MAP4: variants seen among roughly 807,000 people sequenced by gnomAD.
MAP4 encodes microtubule associated protein 4, also known as microtubule-associated protein 4.
MAP4 carries 76 observed loss-of-function variants against 170.2 expected under a neutral mutation model. That is an observed-to-expected ratio of 0.45 (90% CI 0.37 to 0.54). MAP4 has a LOEUF of 0.54. MAP4 is among the 20% of genes least tolerant of loss of function. The probability of loss-of-function intolerance (pLI) is 0.00; values close to 1 mark genes in which losing one functional copy is unlikely to be tolerated. For synonymous variants in MAP4, 909 were observed against 994.5 expected (o/e 0.91, Z 1.62); for missense variants, 2,506 against 2,748.0 (o/e 0.91, Z 1.97).
chr3:47,965,697 C>A (rs1006975861), intron 3 of MAP4, among the ~76,000 whole-genome samples: 5 of 151,978 alleles, frequency 3.3e-5, no homozygotes, highest in Admixed American at 1.3e-4. Flanking sequence ...ATTTTTGTAT[C>A]TTTTATGAAG....
At chr3:47,948,477 G>C (rs1475261476) in intron 3 of MAP4, among the ~76,000 whole-genome samples, 1 of 151,628 alleles carries the variant, frequency 6.6e-6, no homozygotes, top group Non-Finnish European at 1.5e-5. Flanking sequence ...TTCTGCCTCA[G>C]CCTCCCAAAG....
At chr3:47,880,473 T>TC in intron 10 of MAP4, among the ~76,000 whole-genome samples, 1 of 146,188 alleles carries the variant, frequency 6.8e-6, no homozygotes, top group East Asian at 2.0e-4. Context: ...CAGTTTTTTT[T>TC]TTTTTTTTTT....
At chr3:47,991,232 G>A (rs2100091986) in intron 2 of MAP4, among the ~76,000 whole-genome samples, 1 of 152,228 alleles carries the variant, frequency 6.6e-6, no homozygotes, top group Non-Finnish European at 1.5e-5. Context: ...GGGTGGACAT[G>A]TAAGAATTAA....
rs1397749746 is a variant in MAP4, at chr3:48,015,567, T to A, written c.-20+767A>T. Among the ~76,000 whole-genome samples the A allele has an allele frequency of 3.3e-5, 5 of 151,876 alleles. No homozygotes were observed. The East Asian group carries it at 9.7e-4, about 29-fold the overall frequency. On this transcript the variant is annotated intron_variant, in intron 1 of 20. Coordinates refer to ENST00000683076, the MANE Select transcript of MAP4 (RefSeq NM_001385682.1). ...AATAATTTAATATTCAACATCAGAT[T>A]TTTTTTTAGTATGCCTAGCAGGTTT...
chr3:48,073,627 G>GA (rs1239565733), intron 1 of MAP4, among the ~76,000 whole-genome samples: 5 of 148,224 alleles, frequency 3.4e-5, no homozygotes, highest in Middle Eastern at 3.5e-3. Flanking sequence ...AAAAAAAGAA[G>GA]AAAAAAAAAG....
At chr3:47,925,897 C>T (rs527277186) in intron 4 of MAP4, among the ~76,000 whole-genome samples, 3 of 152,314 alleles carry the variant, frequency 2.0e-5, no homozygotes, top group East Asian at 3.9e-4. Context: ...GCTCGTTGCC[C>T]AAGCTGGAGT....
intron 1 of MAP4, among the ~76,000 whole-genome samples, chr3:48,022,811 A>C (rs887993083): frequency 9.9e-5 from 15 of 152,198 alleles, no homozygotes; most frequent in African/African-American, 3.4e-4. Context: ...GAATCACTTG[A>C]ACCCGGGAGG....
chr3:47,901,719 C>G (rs1362922551), intron 10 of MAP4, among the ~76,000 whole-genome samples: 1 of 151,448 alleles, frequency 6.6e-6, no homozygotes, highest in Non-Finnish European at 1.5e-5. Context: ...ACCTCCATAT[C>G]TTAAAGAAAT....
chr3:48,053,028 C>T (rs142809723), intron 1 of MAP4, among the ~76,000 whole-genome samples: 3 of 152,266 alleles, frequency 2.0e-5, no homozygotes, highest in African/African-American at 7.2e-5. Flanking sequence ...GAAACTAAAA[C>T]AACTCCAAAT....
intron 1 of MAP4, among the ~76,000 whole-genome samples, chr3:48,065,749 T>C (rs537825150): frequency 6.6e-5 from 10 of 152,314 alleles, no homozygotes; most frequent in Admixed American, 6.5e-4. Context: ...AAACTAGTGA[T>C]GCCACAGAGT....
At chr3:48,080,516 T>G (rs1163023967) in intron 1 of MAP4, among the ~76,000 whole-genome samples, 1 of 152,228 alleles carries the variant, frequency 6.6e-6, no homozygotes, top group Non-Finnish European at 1.5e-5. Context: ...ATAATGAGAC[T>G]GCTTTCCTTA....
At chr3:47,962,459 C>T (rs1373597392) in intron 3 of MAP4, among the ~76,000 whole-genome samples, 3 of 152,122 alleles carry the variant, frequency 2.0e-5, no homozygotes, top group African/African-American at 7.2e-5. Flanking sequence ...GGGGGAGGGG[C>T]GCATACTTTT....
intron 10 of MAP4, among the ~76,000 whole-genome samples, chr3:47,884,231 A>T (rs887935646): frequency 6.6e-6 from 1 of 152,164 alleles, no homozygotes; most frequent in Non-Finnish European, 1.5e-5. Context: ...ATCTGTCCTC[A>T]ACGTCACTGA....
At chr3:47,985,400 C>T (rs144063923) in intron 2 of MAP4, among the ~76,000 whole-genome samples, 5 of 152,198 alleles carry the variant, frequency 3.3e-5, no homozygotes, top group Admixed American at 6.5e-5. Flanking sequence ...GATTGTGCCA[C>T]TGCACTCCAG....
At chr3:48,051,532 T>A (rs2100127849) in intron 1 of MAP4, among the ~76,000 whole-genome samples, 1 of 152,208 alleles carries the variant, frequency 6.6e-6, no homozygotes, top group Admixed American at 6.5e-5. Context: ...AAAATCAGAC[T>A]CTTCTACACA....
chr3:47,871,066 A>C lies in MAP4; in HGVS notation c.6041T>G (p.Met2014Arg). The C allele has an allele frequency of 6.2e-7, 1 of 1,611,310 alleles. No individual in the cohort carries two copies. The highest frequency in any genetic ancestry group is 1.1e-5 in the South Asian group (1 of 90,902). ...CCCACTGAGAGTGGTGGTTTTCTTC[A>C]TGGAACTGGTGGAGGTGCTCTTTGG... Reference protein sequence around the residue: ...SRPKSTSTSSMKKTTTLSGTA... With the variant: ...SRPKSTSTSSRKKTTTLSGTA... Residue 2014 changes from methionine (M) to arginine (R), a missense_variant, in exon 15 of 21, where the codon ATG becomes AGG. Coordinates refer to ENST00000683076, the MANE Select transcript of MAP4 (RefSeq NM_001385682.1).
At chr3:47,881,483 T>TGC (rs2152700220) in intron 10 of MAP4, among the ~76,000 whole-genome samples, 1 of 87,976 alleles carries the variant, frequency 1.1e-5, no homozygotes, top group Admixed American at 1.2e-4. Flanking sequence ...TATATATATA[T>TGC]ATATATATAT....
At chr3:47,991,769 G>A (rs957969718) in intron 2 of MAP4, among the ~76,000 whole-genome samples, 3 of 151,936 alleles carry the variant, frequency 2.0e-5, no homozygotes, top group African/African-American at 4.8e-5. Flanking sequence ...CCGGGTTCAA[G>A]TGATTACTCT....
chr3:47,857,420 G>A lies in MAP4; in HGVS notation c.6583+11C>T. ...CCTGGAGACCCAGTGGGCAAGGGAG[G>A]CACCACTCACCAGGCTTGTGCTTGA... On this transcript the variant is annotated intron_variant, in intron 18 of 20. Coordinates refer to ENST00000683076, the MANE Select transcript of MAP4 (RefSeq NM_001385682.1). 6.2e-7 allele frequency: 1 copy of A among 1,611,846 alleles called. No homozygotes were observed. Among genetic ancestry groups the A allele is most frequent in the Middle Eastern group, 1.7e-4 (1 of 6,020 alleles).
Sources: gnomAD v4.1 joint callset for allele counts (sites outside exome capture counted in the v4.1 genomes callset) on GRCh38, gnomAD v4.1.1 for gene constraint, MANE v1.5 for transcripts, NCBI Gene and HGNC (gene_info 2026-07-23, HGNC 2026-07-21) for gene names.